PPP1R9A: variants seen among roughly 807,000 people sequenced by gnomAD.
PPP1R9A encodes the protein neurabin-1.
PPP1R9A carries 59 observed loss-of-function variants against 141.9 expected under a neutral mutation model. That is an observed-to-expected ratio of 0.42 (90% CI 0.34 to 0.52). The LOEUF is 0.52. PPP1R9A is among the 20% of genes least tolerant of loss of function. The pLI is 0.10. For synonymous variants in PPP1R9A, 500 were observed against 569.7 expected, an observed-to-expected ratio of 0.88 and a Z score of 1.74; for missense variants, 1,444 against 1,611.9, an observed-to-expected ratio of 0.90 and a Z score of 1.78.
At chr7:94,928,012 C>T (rs1206213952) in intron 2 of PPP1R9A, among the ~76,000 whole-genome samples, 4 of 152,276 alleles carry the variant, frequency 2.6e-5, no homozygotes, top group East Asian at 1.9e-4. Flanking sequence ...GAAGCCAGTA[C>T]ACATGTCAAC....
rs569654268 is a variant in PPP1R9A, at chr7:95,115,226, T to C, written c.1528+3835T>C. Among the ~76,000 whole-genome samples, 4 of 152,258 alleles carry C rather than the reference T, an allele frequency of 2.6e-5. 1 individual carries two copies. The highest frequency in any genetic ancestry group is 7.2e-5 in the African/African-American group (3 of 41,562). On this transcript the variant is annotated intron_variant, in intron 3 of 19. Transcript: ENST00000433360. ...AAATTAGGAATGGAAGAAAAATATA[T>C]AGTGTTACTATAAAAGATCAGTCAG...
At chr7:95,038,544 A>C (rs1361571080) in intron 2 of PPP1R9A, among the ~76,000 whole-genome samples, 5 of 152,110 alleles carry the variant, frequency 3.3e-5, no homozygotes, top group Admixed American at 6.5e-5. Context: ...TTTTTTAATA[A>C]AATGTCCACA....
intron 4 of PPP1R9A, among the ~76,000 whole-genome samples, chr7:95,123,899 TA>T (rs1162268006): frequency 2.6e-5 from 4 of 151,920 alleles, no homozygotes; most frequent in Admixed American, 6.6e-5. Context: ...TGAAACTTAA[TA>T]AAAAAAATAG....
chr7:95,013,486 G>A (rs1397772197), intron 2 of PPP1R9A, among the ~76,000 whole-genome samples: 2 of 151,996 alleles, frequency 1.3e-5, no homozygotes, highest in African/African-American at 4.8e-5. Flanking sequence ...CAAACAGAGG[G>A]TTATCCAAAT....
At chr7:94,986,329 T>G (rs1348738632) in intron 2 of PPP1R9A, among the ~76,000 whole-genome samples, 1 of 152,152 alleles carries the variant, frequency 6.6e-6, no homozygotes, top group Non-Finnish European at 1.5e-5. Context: ...CAGAAATAGA[T>G]TCATGCTTCT....
At chr7:95,229,899 T>C (rs971450146) in intron 8 of PPP1R9A, among the ~76,000 whole-genome samples, 7 of 152,060 alleles carry the variant, frequency 4.6e-5, no homozygotes, top group Non-Finnish European at 1.0e-4. Context: ...CCAAGGACCC[T>C]GCAGAGTCCA....
intron 8 of PPP1R9A, among the ~76,000 whole-genome samples, chr7:95,241,918 C>T (rs1797523645): frequency 6.6e-6 from 1 of 152,050 alleles, no homozygotes; most frequent in Admixed American, 6.6e-5. Context: ...CCAGCAGCAG[C>T]ATCATTAATA....
Position 95,007,798 on chromosome 7 carries a change from G to A in PPP1R9A, c.1395+96290G>A, listed in dbSNP as rs1017960747. Among the ~76,000 whole-genome samples, 11 of 152,148 alleles carry A rather than the reference G, an allele frequency of 7.2e-5. 1 individual carries two copies. The highest frequency in any genetic ancestry group is 6.2e-4 in the South Asian group (3 of 4,824). ...TTATAGAAACGAAGCTTTGTCAGGC[G>A]TGGTGGCTCACGCCTGTAATACCAG... On this transcript the variant is annotated intron_variant, in intron 2 of 19. Coordinates refer to ENST00000433360, the MANE Select transcript of PPP1R9A (RefSeq NM_001166160.2).
Position 95,210,805 on chromosome 7 carries a change from T to C in PPP1R9A, c.1956+7075T>C, listed in dbSNP as rs141582808. ...AATGTGGCACATATACACCATGCAG[T>C]ACTATGCAGTCATAAAAAAGGATGA... On this transcript the variant is annotated intron_variant, in intron 7 of 19. Transcript: ENST00000433360. Among the ~76,000 whole-genome samples, 7 of 152,298 alleles carry C rather than the reference T, an allele frequency of 4.6e-5. No homozygotes were observed. The East Asian group carries it at 1.3e-3, about 29-fold the overall frequency.
chr7:94,959,146 A>G (rs1396123231), intron 2 of PPP1R9A, among the ~76,000 whole-genome samples: 1 of 151,844 alleles, frequency 6.6e-6, no homozygotes, highest in South Asian at 2.1e-4. Flanking sequence ...ATTTACTTAG[A>G]TTTATCAAGT....
intron 2 of PPP1R9A, among the ~76,000 whole-genome samples, chr7:94,960,788 TA>T: frequency 6.6e-6 from 1 of 151,824 alleles, no homozygotes; most frequent in African/African-American, 2.4e-5. Flanking sequence ...CTCTTTTTTT[TA>T]ATCCAGATCT....
chr7:94,984,684 T>G (rs530550075), intron 2 of PPP1R9A, among the ~76,000 whole-genome samples: 1 of 152,284 alleles, frequency 6.6e-6, no homozygotes, highest in Admixed American at 6.5e-5. Flanking sequence ...GATATCCCCT[T>G]TATCATTTTT....
At chr7:95,245,066 T>G (rs747228681) in intron 8 of PPP1R9A, among the ~76,000 whole-genome samples, 2 of 152,198 alleles carry the variant, frequency 1.3e-5, no homozygotes, top group Admixed American at 6.5e-5. Flanking sequence ...ATCTTGTCAA[T>G]AGCGATTGCA....
At chr7:95,278,477 T>C (rs866980647) in intron 16 of PPP1R9A, among the ~76,000 whole-genome samples, 1 of 152,214 alleles carries the variant, frequency 6.6e-6, no homozygotes, top group Non-Finnish European at 1.5e-5. Context: ...TAGTTTACAA[T>C]GTGGTTCATT....
At chr7:94,955,969 A>G (rs1422145854) in intron 2 of PPP1R9A, among the ~76,000 whole-genome samples, 2 of 152,114 alleles carry the variant, frequency 1.3e-5, no homozygotes, top group African/African-American at 2.4e-5. Flanking sequence ...ATCTGCTGCC[A>G]GGTTTGCCTG....
chr7:95,251,015 A>G (rs982347597), intron 10 of PPP1R9A, among the ~76,000 whole-genome samples: 6 of 152,186 alleles, frequency 3.9e-5, no homozygotes, highest in East Asian at 1.9e-4. Context: ...GAAGCTAAGC[A>G]TATATGTAAG....
intron 2 of PPP1R9A, among the ~76,000 whole-genome samples, chr7:95,097,002 T>C (rs959136153): frequency 1.3e-5 from 2 of 152,132 alleles, no homozygotes; most frequent in African/African-American, 2.4e-5. Flanking sequence ...ACGGCCCTTA[T>C]GTTGGTTACA....
chr7:94,946,173 GT>G (rs1414448669), intron 2 of PPP1R9A, among the ~76,000 whole-genome samples: 2 of 152,024 alleles, frequency 1.3e-5, no homozygotes, highest in Non-Finnish European at 2.9e-5. Context: ...GTTTCCATAG[GT>G]ACCATTACTT....
At chr7:95,272,085 G>C (rs923517094) in intron 14 of PPP1R9A, among the ~76,000 whole-genome samples, 1 of 152,202 alleles carries the variant, frequency 6.6e-6, no homozygotes, top group African/African-American at 2.4e-5. Flanking sequence ...GTGATAGGCA[G>C]AATCAGGCTT....
Sources: gnomAD v4.1 joint callset for allele counts (sites outside exome capture counted in the v4.1 genomes callset) on GRCh38, gnomAD v4.1.1 for gene constraint, MANE v1.5 for transcripts, NCBI Gene and HGNC (gene_info 2026-07-23, HGNC 2026-07-21) for gene names.